The following GLB1 variants were observed in gnomAD, a reference collection of about 807,000 sequenced individuals.
GLB1 encodes galactosidase beta 1.
GLB1 carries 56 observed loss-of-function variants against 74.0 expected under a neutral mutation model. That is an observed-to-expected ratio of 0.76 (90% CI 0.61 to 0.94). The LOEUF (loss-of-function observed/expected upper bound fraction) is 0.94. Ranked by LOEUF, GLB1 falls within the 40% of genes least tolerant of loss-of-function variation. The pLI is 0.00. For missense variants in GLB1, 787 were observed against 845.5 expected (o/e 0.93, Z 0.86); for synonymous variants, 323 against 323.6 (o/e 1.00, Z 0.02).
intron 1 of GLB1, among the ~76,000 whole-genome samples, chr3:33,079,189 G>A (rs1215675708): frequency 6.6e-6 from 1 of 152,162 alleles, no homozygotes; most frequent in African/African-American, 2.4e-5. Context: ...AGTAGAGGTA[G>A]GTATTGCCTG....
At chr3:33,095,471 G>C (rs1452104516) in intron 1 of GLB1, among the ~76,000 whole-genome samples, 1 of 152,124 alleles carries the variant, frequency 6.6e-6, no homozygotes, top group Non-Finnish European at 1.5e-5. Context: ...TAAACAAGGA[G>C]ATAATGGAAA....
chr3:33,026,328 G>A (rs1020459007), intron 10 of GLB1, among the ~76,000 whole-genome samples: 4 of 152,330 alleles, frequency 2.6e-5, no homozygotes, highest in Admixed American at 2.0e-4. Context: ...GGGTAGCACT[G>A]ACATGCCAGC....
chr3:33,048,864 A>G, intron 9 of GLB1, among the ~76,000 whole-genome samples: 1 of 152,120 alleles, frequency 6.6e-6, no homozygotes, highest in East Asian at 1.9e-4. Context: ...TTTTGTATTC[A>G]GCTATTCTTA....
intron 15 of GLB1, among the ~76,000 whole-genome samples, chr3:33,010,840 T>C (rs1216856770): frequency 1.4e-5 from 2 of 138,328 alleles, no homozygotes; most frequent in African/African-American, 5.7e-5. Context: ...TTAAACAGCA[T>C]ACTTTTTTTG....
intron 10 of GLB1, chr3:33,045,231 C>T: frequency 1.8e-6 from 1 of 569,792 alleles, no homozygotes; most frequent in Non-Finnish European, 2.2e-6. Flanking sequence ...GACTGATTTG[C>T]TCATAGACTC....
chr3:33,011,891 C>G (rs1697046062), intron 15 of GLB1, among the ~76,000 whole-genome samples: 1 of 152,186 alleles, frequency 6.6e-6, no homozygotes, highest in African/African-American at 2.4e-5. Context: ...CTATAGAATG[C>G]AATCTGGCTG....
intron 1 of GLB1, among the ~76,000 whole-genome samples, chr3:33,094,910 A>G (rs1179852944): frequency 6.6e-6 from 1 of 152,218 alleles, no homozygotes; most frequent in Non-Finnish European, 1.5e-5. Flanking sequence ...CTTAACAAAT[A>G]GTTTAAAATA....
rs373181758 is a variant in GLB1 at position 32,997,312 on chromosome 3, G to A, written c.1767C>T (p.Gly589=). ...GAGGGCCCCGGGCTGGCCAATAGCGGCCAAGGTTAAAGCCATTAATCCAGA... is the reference window on the plus strand; with the variant it reads ...GAGGGCCCCGGGCTGGCCAATAGCGACCAAGGTTAAAGCCATTAATCCAGA... ...GQVWINGFNL[G]RYWPARGPQL... Residue 589 remains glycine, a synonymous_variant, in exon 16 of 16, where the codon GGC becomes GGT. Transcript: ENST00000307363. The A allele has an allele frequency of 5.6e-6, 9 of 1,613,714 alleles. No individual in the cohort carries two copies. The African/African-American group carries it at 8.0e-5, about 14-fold the overall frequency.
At chr3:32,977,438 C>A in the GLB1 span, among the ~76,000 whole-genome samples, 65 of 152,178 alleles carry the variant, frequency 4.3e-4, 1 homozygote, top group African/African-American at 1.5e-3. Context: ...AAACTCCTGA[C>A]CTCAAGTGAT....
chr3:33,069,895 T>C (rs577402779), intron 2 of GLB1, among the ~76,000 whole-genome samples: 855 of 152,320 alleles, frequency 5.6e-3, no homozygotes, highest in Non-Finnish European at 9.3e-3. Flanking sequence ...GGGTTTGGTG[T>C]ACAGATTATT....
intron 9 of GLB1, among the ~76,000 whole-genome samples, chr3:33,049,017 T>G (rs1365737001): frequency 6.6e-6 from 1 of 152,232 alleles, no homozygotes; most frequent in Non-Finnish European, 1.5e-5. Context: ...ATTTATGTTC[T>G]GACAGTTTCT....
chr3:33,058,320 C>A (rs1181001760), intron 5 of GLB1, 51 bp from the exon 6 acceptor site: 2 of 1,609,952 alleles, frequency 1.2e-6, no homozygotes, highest in Non-Finnish European at 1.7e-6. Context: ...AATGTAGCCA[C>A]CCTAATGCAA....
chr3:33,096,959 G>C (rs1202384106), intron 1 of GLB1, 52 bp downstream of exon 1: 2 of 1,592,762 alleles, frequency 1.3e-6, no homozygotes, highest in African/African-American at 2.7e-5. Context: ...CCGGTTCCCC[G>C]CCAGCCTGTC....
intron 15 of GLB1, among the ~76,000 whole-genome samples, chr3:32,999,032 T>C (rs765842695): frequency 4.6e-5 from 7 of 152,204 alleles, no homozygotes; most frequent in Non-Finnish European, 8.8e-5. Flanking sequence ...GAAGGAACAG[T>C]GTGTGGCCTG....
chr3:33,094,998 G>C (rs1443355161), intron 1 of GLB1, among the ~76,000 whole-genome samples: 2 of 152,110 alleles, frequency 1.3e-5, no homozygotes, highest in African/African-American at 2.4e-5. Flanking sequence ...ATTACCTGAG[G>C]TCAGGAGTTC....
chr3:33,094,380 A>G (rs2125587118), intron 1 of GLB1: 1 of 1,367,368 alleles, frequency 7.3e-7, no homozygotes, highest in East Asian at 2.6e-5. Context: ...AAGGCCACTT[A>G]CATCTGCCCA....
At chr3:33,055,595 G>A (rs1178019117) in intron 6 of GLB1, among the ~76,000 whole-genome samples, 2 of 151,270 alleles carry the variant, frequency 1.3e-5, no homozygotes, top group Non-Finnish European at 2.9e-5. Context: ...TAAGTAGCTG[G>A]GATTACAAAA....
At chr3:33,040,790 G>T (rs9861316) in intron 10 of GLB1, among the ~76,000 whole-genome samples, 3 of 152,168 alleles carry the variant, frequency 2.0e-5, no homozygotes, top group Middle Eastern at 3.4e-3. Context: ...TATAACAGAA[G>T]TATCTCTAGT....
At chr3:32,990,227 C>A in the GLB1 span, among the ~76,000 whole-genome samples, 4 of 152,150 alleles carry the variant, frequency 2.6e-5, no homozygotes, top group Non-Finnish European at 5.9e-5. Flanking sequence ...TCTACTCATG[C>A]CTATCTTTTC....
Sources: gnomAD v4.1 joint callset for allele counts (sites outside exome capture counted in the v4.1 genomes callset) on GRCh38, gnomAD v4.1.1 for gene constraint, MANE v1.5 for transcripts, NCBI Gene and HGNC (gene_info 2026-07-23, HGNC 2026-07-21) for gene names.